Variants in MYO1B observed in about 807,000 individuals in gnomAD.
MYO1B encodes the protein myosin IB.
MYO1B carries 72 observed loss-of-function variants against 159.7 expected under a neutral mutation model. The ratio of observed to expected loss-of-function variants is 0.45; its 90% CI spans 0.37 to 0.55. The LOEUF is 0.55. Among genes scored for constraint, MYO1B ranks in the 20% least tolerant of loss-of-function variants. The pLI, the probability that MYO1B is intolerant of heterozygous loss-of-function variation, is 0.00. For missense variants in MYO1B, 1,062 were observed against 1,364.8 expected, an observed-to-expected ratio of 0.78 and a Z score of 3.50; for synonymous variants, 468 against 473.8, an observed-to-expected ratio of 0.99 and a Z score of 0.16.
intron 1 of MYO1B, among the ~76,000 whole-genome samples, chr2:191,256,931 C>A (rs1248481717): frequency 1.7e-5 from 2 of 120,542 alleles, no homozygotes; most frequent in Admixed American, 8.9e-5. Context: ...CCTTGTGAAT[C>A]CCCCTTTTCT....
intron 5 of MYO1B, among the ~76,000 whole-genome samples, chr2:191,344,289 T>C (rs1692416558): frequency 6.6e-6 from 1 of 152,216 alleles, no homozygotes; most frequent in African/African-American, 2.4e-5. Context: ...TGAAAGCCTT[T>C]TAACTGGTGG....
intron 13 of MYO1B, among the ~76,000 whole-genome samples, chr2:191,376,241 T>A (rs185959342): frequency 4.6e-5 from 7 of 152,312 alleles, no homozygotes; most frequent in Non-Finnish European, 8.8e-5. Context: ...TTTGTAAATG[T>A]CTAAAAAGGA....
chr2:191,332,700 T>C (rs1038965444), intron 4 of MYO1B, among the ~76,000 whole-genome samples: 1 of 152,226 alleles, frequency 6.6e-6, no homozygotes, highest in African/African-American at 2.4e-5. Context: ...CCAAAACTTA[T>C]ACAGTGAATA....
intron 2 of MYO1B, 54 bp downstream of exon 2, chr2:191,277,084 A>C: frequency 6.3e-7 from 1 of 1,578,606 alleles, no homozygotes; most frequent in Non-Finnish European, 8.6e-7. Flanking sequence ...TTTGTGCCAG[A>C]GAGCTGTCTT....
At chr2:191,362,441 A>G (rs1693732584) in intron 9 of MYO1B, 70 bp downstream of exon 9, 2 of 1,158,550 alleles carry the variant, frequency 1.7e-6, no homozygotes. Flanking sequence ...GCTGGTAGCA[A>G]TTCTGAGTTT....
intron 1 of MYO1B, among the ~76,000 whole-genome samples, chr2:191,264,895 G>GACA (rs1687038932): frequency 1.3e-5 from 2 of 152,024 alleles, no homozygotes; most frequent in East Asian, 3.9e-4. Flanking sequence ...AAGATCCTAG[G>GACA]AGATGATGTG....
chr2:191,383,040 A>G (rs1485516753), intron 14 of MYO1B, among the ~76,000 whole-genome samples: 1 of 152,172 alleles, frequency 6.6e-6, no homozygotes, highest in Non-Finnish European at 1.5e-5. Flanking sequence ...GGGAGAGTGG[A>G]ATGGAAGGCA....
intron 27 of MYO1B, among the ~76,000 whole-genome samples, chr2:191,411,554 G>A (rs776314548): frequency 6.6e-6 from 1 of 152,152 alleles, no homozygotes; most frequent in Non-Finnish European, 1.5e-5. Context: ...CACCATTCCA[G>A]TCTTCCTGCC....
At chr2:191,280,289 C>T (rs1175328574) in intron 2 of MYO1B, among the ~76,000 whole-genome samples, 1 of 152,188 alleles carries the variant, frequency 6.6e-6, no homozygotes, top group Non-Finnish European at 1.5e-5. Flanking sequence ...TTAGAATGTG[C>T]TTTTTGCAAG....
Position 191,400,411 on chromosome 2 carries a change from T to G in MYO1B, c.2325T>G (p.His775Gln). 1 of 1,614,146 alleles carries G rather than the reference T, an allele frequency of 6.2e-7. No homozygotes were observed. The highest frequency in any genetic ancestry group is 1.1e-5 in the South Asian group (1 of 91,074). ...GAAAAATTCTGCGGGAACTGAAGCATCAAAAGCGCTGTAAGGAAGCAGTCA... is the reference window on the plus strand; with the variant it reads ...GAAAAATTCTGCGGGAACTGAAGCAGCAAAAGCGCTGTAAGGAAGCAGTCA... ...KARKILRELKHQKRCKEAVTT... is the reference protein window; with the variant it reads ...KARKILRELKQQKRCKEAVTT... The change falls in exon 22 of 31, where the codon CAT (histidine) becomes CAG (glutamine). Residue 775 changes from histidine (H) to glutamine (Q), a missense_variant. Transcript: ENST00000392318.
intron 21 of MYO1B, among the ~76,000 whole-genome samples, chr2:191,397,860 C>G: frequency 7.0e-6 from 1 of 143,492 alleles, no homozygotes; most frequent in African/African-American, 2.6e-5. Context: ...GGCGGCTGGC[C>G]AGGCAGAGGG....
chr2:191,373,249 C>G (rs1469311031), intron 13 of MYO1B, among the ~76,000 whole-genome samples: 1 of 152,152 alleles, frequency 6.6e-6, no homozygotes, highest in Non-Finnish European at 1.5e-5. Context: ...ACCTGGGGAG[C>G]TTTTGCAAAT....
intron 4 of MYO1B, among the ~76,000 whole-genome samples, chr2:191,336,834 A>G (rs1181232744): frequency 6.6e-6 from 1 of 152,168 alleles, no homozygotes; most frequent in East Asian, 1.9e-4. Flanking sequence ...CACCAGACCT[A>G]CAAAAGCTCA....
At chr2:191,373,474 T>C (rs963678994) in intron 13 of MYO1B, among the ~76,000 whole-genome samples, 3 of 152,160 alleles carry the variant, frequency 2.0e-5, no homozygotes, top group Non-Finnish European at 4.4e-5. Context: ...TTGTAAAACA[T>C]TGGGCCTCAC....
intron 3 of MYO1B, among the ~76,000 whole-genome samples, chr2:191,299,470 G>T (rs1689178412): frequency 6.6e-6 from 1 of 152,018 alleles, no homozygotes; most frequent in South Asian, 2.1e-4. Flanking sequence ...ATAGAATTCT[G>T]TGCCTTCTGC....
intron 3 of MYO1B, among the ~76,000 whole-genome samples, chr2:191,322,614 C>T (rs112856004): frequency 1.3e-5 from 2 of 152,244 alleles, no homozygotes; most frequent in African/African-American, 4.8e-5. Context: ...TTCTTTGTCA[C>T]AAGGATTACA....
At chr2:191,364,564 G>A (rs1283220558) in intron 11 of MYO1B, among the ~76,000 whole-genome samples, 1 of 152,222 alleles carries the variant, frequency 6.6e-6, no homozygotes, top group African/African-American at 2.4e-5. Flanking sequence ...GAGCAGAGTA[G>A]GGGAGCTCCC....
chr2:191,324,979 C>G (rs909981467), intron 3 of MYO1B, among the ~76,000 whole-genome samples: 1 of 152,090 alleles, frequency 6.6e-6, no homozygotes, highest in Non-Finnish European at 1.5e-5. Context: ...GGAAGGCCAA[C>G]GTAGTGCCTC....
At chr2:191,273,593 A>C (rs1445004705) in intron 1 of MYO1B, among the ~76,000 whole-genome samples, 1 of 152,180 alleles carries the variant, frequency 6.6e-6, no homozygotes, top group Non-Finnish European at 1.5e-5. Context: ...CACAGTCTCA[A>C]GCTCAGTCAC....
Sources: gnomAD v4.1 joint callset for allele counts (sites outside exome capture counted in the v4.1 genomes callset) on GRCh38, gnomAD v4.1.1 for gene constraint, MANE v1.5 for transcripts, NCBI Gene and HGNC (gene_info 2026-07-23, HGNC 2026-07-21) for gene names.